Variants in UST observed in about 807,000 individuals in gnomAD.
UST encodes uronyl 2-sulfotransferase.
In UST, 21 loss-of-function variants were observed where a neutral mutation model predicts 45.6. The ratio of observed to expected loss-of-function variants is 0.46; its 90% CI spans 0.33 to 0.66. UST has a LOEUF of 0.66. Ranked by LOEUF, UST falls within the 30% of genes least tolerant of loss-of-function variation. UST has a pLI of 0.02. For missense variants in UST, 463 were observed against 512.4 expected (o/e 0.90, Z 0.93); for synonymous variants, 215 against 200.6 (o/e 1.07, Z -0.61).
chr6:148,884,897 T>C (rs1375168079), intron 1 of UST, among the ~76,000 whole-genome samples: 1 of 152,166 alleles, frequency 6.6e-6, no homozygotes, highest in African/African-American at 2.4e-5. Context: ...GGATCAAGAA[T>C]GACTCTTGGG....
chr6:149,029,394 T>C (rs1306438562), intron 7 of UST, among the ~76,000 whole-genome samples: 1 of 144,564 alleles, frequency 6.9e-6, no homozygotes, highest in Non-Finnish European at 1.5e-5. Flanking sequence ...TTGTATGTTA[T>C]ATATTATATA....
intron 5 of UST, among the ~76,000 whole-genome samples, chr6:149,004,855 A>G (rs1781617426): frequency 6.6e-6 from 1 of 152,092 alleles, no homozygotes; most frequent in Non-Finnish European, 1.5e-5. Flanking sequence ...TGTGAGAGAG[A>G]CAGAGTGTCA....
At chr6:148,812,003 T>C (rs565222114) in intron 1 of UST, among the ~76,000 whole-genome samples, 2 of 152,372 alleles carry the variant, frequency 1.3e-5, no homozygotes, top group South Asian at 4.1e-4. Flanking sequence ...AGTGCTATGA[T>C]CTTTAACATT....
intron 5 of UST, among the ~76,000 whole-genome samples, chr6:148,999,234 A>G (rs1213386008): frequency 6.6e-6 from 1 of 152,172 alleles, no homozygotes; most frequent in Non-Finnish European, 1.5e-5. Flanking sequence ...TTATTGAAAA[A>G]CAGTAGTATC....
chr6:148,847,339 G>T (rs1304694783), intron 1 of UST, among the ~76,000 whole-genome samples: 2 of 152,250 alleles, frequency 1.3e-5, no homozygotes, highest in Admixed American at 6.5e-5. Flanking sequence ...AAACTCAAGT[G>T]GTTGTTACAG....
In UST at chr6:149,075,039, A is replaced by C. The variant is rs1268464368; in HGVS notation, c.*923A>C. On this transcript the variant is annotated 3_prime_UTR_variant, in exon 8 of 8. Coordinates refer to ENST00000367463, the MANE Select transcript of UST (RefSeq NM_005715.3). ...TTGCTGTGTAAGGAAGAATGTAGAC[A>C]AGACAGATAAATCTGAAGGTCATGT... is the stretch of plus-strand genomic sequence containing the variant. 1 of 152,286 alleles carries C rather than the reference A, an allele frequency of 6.6e-6. No individual in the cohort carries two copies. The highest frequency in any genetic ancestry group is 1.5e-5 in the Non-Finnish European group (1 of 68,092). 9.4% of individuals were successfully genotyped at this position (152,286 alleles called of 1,614,324 possible).
intron 5 of UST, among the ~76,000 whole-genome samples, chr6:148,995,684 C>T (rs1781440911): frequency 6.6e-6 from 1 of 152,104 alleles, no homozygotes; most frequent in South Asian, 2.1e-4. Context: ...GTTTGTAGTA[C>T]CAACATTTAA....
At chr6:148,995,291 G>A (rs1309866236) in intron 5 of UST, among the ~76,000 whole-genome samples, 2 of 152,186 alleles carry the variant, frequency 1.3e-5, no homozygotes, top group African/African-American at 4.8e-5. Flanking sequence ...CCAAAGTGCT[G>A]GGATTCCAGG....
intron 1 of UST, among the ~76,000 whole-genome samples, chr6:148,764,977 A>G (rs999152095): frequency 6.6e-6 from 1 of 152,180 alleles, no homozygotes; most frequent in African/African-American, 2.4e-5. Flanking sequence ...CAGGGCACCC[A>G]TTTTAGAGGC....
At chr6:148,997,841 A>T (rs996645301) in intron 5 of UST, among the ~76,000 whole-genome samples, 4 of 152,198 alleles carry the variant, frequency 2.6e-5, no homozygotes, top group Non-Finnish European at 4.4e-5. Context: ...TAATTATTTT[A>T]TTTAGGTTCA....
At chr6:148,961,584 G>A (rs1467583212) in intron 4 of UST, among the ~76,000 whole-genome samples, 1 of 152,220 alleles carries the variant, frequency 6.6e-6, no homozygotes, top group Non-Finnish European at 1.5e-5. Flanking sequence ...AATCCTTTGT[G>A]TCAAATGGTT....
chr6:149,056,601 T>C lies in UST; in HGVS notation c.938-17232T>C, dbSNP rs116916210. Among the ~76,000 whole-genome samples the C allele has an allele frequency of 4.2e-4, 64 of 152,330 alleles. 1 individual carries two copies. In the East Asian group the frequency reaches 0.011, roughly 26 times the overall value. On this transcript the variant is annotated intron_variant, in intron 7 of 7. Coordinates refer to ENST00000367463, the MANE Select transcript of UST (RefSeq NM_005715.3). ...TTGCCTGGTTAAAGCAATTTGGATG[T>C]TTTTAGATATTCACACTGTCTTATT...
At chr6:148,907,179 C>T (rs919748240) in intron 2 of UST, among the ~76,000 whole-genome samples, 4 of 152,132 alleles carry the variant, frequency 2.6e-5, no homozygotes, top group Admixed American at 2.6e-4. Context: ...TTCAGTCTGG[C>T]CAACACGGGA....
At chr6:149,024,442 G>A (rs1044177284) in intron 7 of UST, among the ~76,000 whole-genome samples, 14 of 152,066 alleles carry the variant, frequency 9.2e-5, no homozygotes, top group Admixed American at 8.5e-4. Flanking sequence ...GTTCTCTTGG[G>A]CATCTTCTTG....
intron 7 of UST, among the ~76,000 whole-genome samples, chr6:149,037,929 T>G (rs1776259524): frequency 6.6e-6 from 1 of 152,142 alleles, no homozygotes; most frequent in Non-Finnish European, 1.5e-5. Context: ...GCAAGACCAC[T>G]CCTAAGGCAT....
chr6:148,941,520 A>G (rs1780125808), intron 3 of UST, 86 bp downstream of exon 3: 1 of 1,402,336 alleles, frequency 7.1e-7, no homozygotes, highest in African/African-American at 1.5e-5. Context: ...CATCCTTCAG[A>G]CTCCTGATGA....
chr6:148,813,414 C>T (rs891893619), intron 1 of UST, among the ~76,000 whole-genome samples: 2 of 150,604 alleles, frequency 1.3e-5, no homozygotes, highest in African/African-American at 2.4e-5. Flanking sequence ...CAGAGTCTTG[C>T]TCTGTTGCCC....
intron 1 of UST, among the ~76,000 whole-genome samples, chr6:148,882,563 A>G (rs373112982): frequency 1.7e-4 from 25 of 151,498 alleles, no homozygotes; most frequent in African/African-American, 5.8e-4. Flanking sequence ...TCTACAGTGA[A>G]GGAATGGGGG....
chr6:148,893,031 T>C (rs1779050194), intron 2 of UST, among the ~76,000 whole-genome samples: 1 of 152,168 alleles, frequency 6.6e-6, no homozygotes, highest in South Asian at 2.1e-4. Flanking sequence ...AAAATATTAA[T>C]CCATACAAAT....
Sources: gnomAD v4.1 joint callset for allele counts (sites outside exome capture counted in the v4.1 genomes callset) on GRCh38, gnomAD v4.1.1 for gene constraint, MANE v1.5 for transcripts, NCBI Gene and HGNC (gene_info 2026-07-23, HGNC 2026-07-21) for gene names.